Variants in TPRG1 observed in about 807,000 individuals in gnomAD.
TPRG1 encodes the protein tumor protein p63 regulated 1.
A neutral mutation model predicts 29.3 loss-of-function variants in TPRG1; 29 were observed. The observed-to-expected ratio is 0.99, with a 90% CI of 0.74 to 1.35. TPRG1 has a LOEUF of 1.35. Among genes scored for constraint, TPRG1 ranks in the 40% most tolerant of loss-of-function variants. The probability of loss-of-function intolerance (pLI) is 0.00; values close to 1 mark genes in which losing one functional copy is unlikely to be tolerated. For synonymous variants in TPRG1, 130 were observed against 116.8 expected (o/e 1.11, Z -0.73); for missense variants, 327 against 335.0 (o/e 0.98, Z 0.19).
chr3:189,136,161 A>C (rs1027698551), intron 3 of TPRG1, among the ~76,000 whole-genome samples: 1 of 152,202 alleles, frequency 6.6e-6, no homozygotes, highest in South Asian at 2.1e-4. Flanking sequence ...AATAAACTTC[A>C]TGCAATAAAT....
At chr3:189,204,714 G>C (rs545108357) in intron 1 of TPRG1, among the ~76,000 whole-genome samples, 2 of 152,150 alleles carry the variant, frequency 1.3e-5, no homozygotes, top group Non-Finnish European at 2.9e-5. Flanking sequence ...GTTGTTAGGC[G>C]TGTGTTCACA....
At chr3:189,075,912 C>A (rs1717141156) in intron 4 of TPRG1, among the ~76,000 whole-genome samples, 1 of 152,166 alleles carries the variant, frequency 6.6e-6, no homozygotes, top group South Asian at 2.1e-4. Flanking sequence ...CTATACCTGC[C>A]ACTTCTGGTT....
chr3:189,290,383 A>G (rs543573365), intron 4 of TPRG1, among the ~76,000 whole-genome samples: 2 of 152,212 alleles, frequency 1.3e-5, no homozygotes, highest in African/African-American at 2.4e-5. Context: ...ACATTCATCC[A>G]TGTCTTAAAG....
chr3:189,158,819 A>G (rs1012005027), intron 5 of TPRG1, among the ~76,000 whole-genome samples: 1 of 151,892 alleles, frequency 6.6e-6, no homozygotes, highest in African/African-American at 2.4e-5. Flanking sequence ...CCTCATCCGA[A>G]GTCTAAAACA....
chr3:189,240,971 AC>A (rs1403801348), intron 4 of TPRG1, among the ~76,000 whole-genome samples: 1 of 152,186 alleles, frequency 6.6e-6, no homozygotes, highest in Admixed American at 6.5e-5. Flanking sequence ...GCAGAATATT[AC>A]CTCTTAAGCT....
intron 3 of TPRG1, among the ~76,000 whole-genome samples, chr3:189,228,439 G>A (rs1738130501): frequency 6.6e-6 from 1 of 152,090 alleles, no homozygotes; most frequent in Non-Finnish European, 1.5e-5. Flanking sequence ...CCCAAAGTGG[G>A]TATATTCTAG....
intron 3 of TPRG1, among the ~76,000 whole-genome samples, chr3:189,022,621 A>G (rs1156697632): frequency 5.3e-5 from 8 of 151,972 alleles, no homozygotes; most frequent in African/African-American, 7.3e-5. Flanking sequence ...TGGGAGAACT[A>G]CTGCTCTCTT....
In TPRG1 at chr3:189,246,387, T is replaced by A. The variant is rs191831115; in HGVS notation, c.479+7478T>A. Among the ~76,000 whole-genome samples the A allele has an allele frequency of 1.3e-4, 20 of 152,312 alleles. No homozygotes were observed. The East Asian group carries it at 1.9e-3, about 15-fold the overall frequency. ...AGTAATACACATAGCATGTTTTTTT[T>A]ATCCGTTTACTTTCTACTTATTTAT... On this transcript the variant is annotated intron_variant, in intron 4 of 5. Coordinates refer to ENST00000345063, the MANE Select transcript of TPRG1 (RefSeq NM_198485.4).
chr3:189,059,697 A>G (rs1715972188), intron 4 of TPRG1, among the ~76,000 whole-genome samples: 1 of 152,216 alleles, frequency 6.6e-6, no homozygotes, highest in Non-Finnish European at 1.5e-5. Context: ...AAACTGAGGC[A>G]TAGTGAGGTT....
intron 4 of TPRG1, among the ~76,000 whole-genome samples, chr3:189,060,130 G>T (rs182066018): frequency 7.8e-4 from 119 of 152,318 alleles, no homozygotes; most frequent in African/African-American, 2.8e-3. Context: ...TTTTCAGGAG[G>T]CTGAGGCAGG....
intron 3 of TPRG1, among the ~76,000 whole-genome samples, chr3:189,135,006 A>C (rs568370876): frequency 6.6e-6 from 1 of 152,178 alleles, no homozygotes; most frequent in South Asian, 2.1e-4. Flanking sequence ...GGTCCCTGAA[A>C]AGTTTTACTG....
At chr3:189,238,604 A>G in intron 3 of TPRG1, 129 bp from the exon 4 acceptor site, 2 of 692,466 alleles carry the variant, frequency 2.9e-6, no homozygotes, top group Non-Finnish European at 4.7e-6. Flanking sequence ...GGTATTAGGT[A>G]TTTCTCAGCC....
intron 4 of TPRG1, among the ~76,000 whole-genome samples, chr3:189,265,551 G>A (rs774376322): frequency 6.6e-6 from 1 of 152,090 alleles, no homozygotes; most frequent in Non-Finnish European, 1.5e-5. Flanking sequence ...TTAGTTATTG[G>A]GGGAAGCCAC....
intron 4 of TPRG1, among the ~76,000 whole-genome samples, chr3:189,286,075 A>G (rs2109168293): frequency 6.6e-6 from 1 of 152,198 alleles, no homozygotes; most frequent in Admixed American, 6.5e-5. Flanking sequence ...TGCTAGAAAC[A>G]TGCTGGCTTC....
chr3:189,067,849 T>C (rs953934568), intron 4 of TPRG1, among the ~76,000 whole-genome samples: 1 of 152,084 alleles, frequency 6.6e-6, no homozygotes, highest in Non-Finnish European at 1.5e-5. Flanking sequence ...AAAAAGCTTC[T>C]GCACAACAAA....
intron 4 of TPRG1, among the ~76,000 whole-genome samples, chr3:189,284,082 A>T (rs1238362177): frequency 1.3e-5 from 2 of 152,208 alleles, no homozygotes; most frequent in Non-Finnish European, 2.9e-5. Context: ...TATCCTCTGT[A>T]GTCTCACCCA....
At chr3:189,188,996 T>C (rs1731322907) in intron 1 of TPRG1, among the ~76,000 whole-genome samples, 1 of 152,208 alleles carries the variant, frequency 6.6e-6, no homozygotes, top group South Asian at 2.1e-4. Context: ...AATAAAATAG[T>C]TTTTTCCTTG....
chr3:189,155,108 G>C (rs968487203), intron 5 of TPRG1, among the ~76,000 whole-genome samples: 1 of 152,158 alleles, frequency 6.6e-6, no homozygotes, highest in Non-Finnish European at 1.5e-5. Flanking sequence ...AATATGGTTG[G>C]GGAAGAGGGA....
At chr3:189,044,683 T>C (rs1211772182) in intron 4 of TPRG1, among the ~76,000 whole-genome samples, 1 of 152,046 alleles carries the variant, frequency 6.6e-6, no homozygotes, top group East Asian at 1.9e-4. Context: ...GGAACTATGA[T>C]GTACAGCAAA....
Sources: gnomAD v4.1 joint callset for allele counts (sites outside exome capture counted in the v4.1 genomes callset) on GRCh38, gnomAD v4.1.1 for gene constraint, MANE v1.5 for transcripts, NCBI Gene and HGNC (gene_info 2026-07-23, HGNC 2026-07-21) for gene names.